Variants in CPAMD8 observed in about 807,000 individuals in gnomAD.
CPAMD8 encodes the protein C3 and PZP-like alpha-2-macroglobulin domain-containing protein 8.
In CPAMD8, 146 loss-of-function variants were observed where a neutral mutation model predicts 224.7. The observed-to-expected ratio is 0.65, with a 90% CI of 0.57 to 0.75. The LOEUF is 0.75. CPAMD8 is among the 30% of genes least tolerant of loss of function. The pLI is 0.00. For missense variants in CPAMD8, 2,301 were observed against 2,537.5 expected (o/e 0.91, Z 2.00); for synonymous variants, 966 against 1,044.6 (o/e 0.92, Z 1.45).
chr19:17,003,544 G>A (rs924959796), intron 8 of CPAMD8, among the ~76,000 whole-genome samples: 3 of 151,590 alleles, frequency 2.0e-5, no homozygotes, highest in African/African-American at 7.3e-5. Context: ...ACTTTGGGAG[G>A]CTGAGGCGGA....
intron 27 of CPAMD8, among the ~76,000 whole-genome samples, chr19:16,919,667 C>T (rs1482946597): frequency 6.6e-6 from 1 of 152,260 alleles, no homozygotes; most frequent in Non-Finnish European, 1.5e-5. Flanking sequence ...TTGCATCTCT[C>T]ACAGGGTCTT....
chr19:16,931,267 G>A lies in CPAMD8; in HGVS notation c.2846-2027C>T, dbSNP rs73016306. 8.6e-3 allele frequency among the ~76,000 whole-genome samples: 1,306 copies of A among 152,254 alleles called. 8 individuals carry two copies. Among genetic ancestry groups the A allele is most frequent in the Non-Finnish European group, 0.011 (749 of 67,998 alleles). Reference sequence around the variant, plus strand: ...GTCGGCCCAGCCCAGCTCTGTCCCCGCAAGTGCCTGAGGGTGCCATCCAAG... The same window carrying A: ...GTCGGCCCAGCCCAGCTCTGTCCCCACAAGTGCCTGAGGGTGCCATCCAAG... On this transcript the variant is annotated intron_variant, in intron 23 of 41. Coordinates refer to ENST00000443236, the MANE Select transcript of CPAMD8 (RefSeq NM_015692.5).
chr19:17,011,480 C>A lies in CPAMD8; in HGVS notation c.470G>T (p.Arg157Met). The A allele has an allele frequency of 6.2e-7, 1 of 1,614,190 alleles. No homozygotes were observed. The highest frequency in any genetic ancestry group is 1.6e-4 in the Middle Eastern group (1 of 6,062). The change falls in exon 5 of 42, where the codon AGG becomes ATG. Residue 157 changes from arginine (R) to methionine (M), a missense_variant. Around this residue, in one of 4 missense-constraint regions of CPAMD8, gnomAD observed 283 missense variants for 340.6 expected, o/e 0.83. Transcript: ENST00000443236. ...TGATCTCACCTTCTCGTTGACAGGC[C>A]TCAGATTTGGAGAGACGGTGAAGAT... is the stretch of plus-strand genomic sequence containing the variant. ...ISIFTVSPNLRPVNEKLEAYI... is the reference protein window; with the variant it reads ...ISIFTVSPNLMPVNEKLEAYI...
chr19:16,974,138 C>T (rs1462091296), intron 17 of CPAMD8, among the ~76,000 whole-genome samples: 2 of 142,300 alleles, frequency 1.4e-5, no homozygotes, highest in Non-Finnish European at 3.1e-5. Flanking sequence ...AGCATTAGCC[C>T]TTTTTTTTTT....
Position 16,938,419 on chromosome 19 carries a change from A to AG in CPAMD8, c.2820dup (p.Tyr941LeufsTer9), listed in dbSNP as rs749512351. ...CCACTGGGACAGAAGAATGCGCTGT[A>AG]GGTGTACGCCCGGGGGACTCCTTCC... On this transcript the variant is annotated frameshift_variant, in exon 23 of 42. Coordinates refer to ENST00000443236, the MANE Select transcript of CPAMD8 (RefSeq NM_015692.5). LOFTEE classifies it high-confidence loss of function. The AG allele has an allele frequency of 4.4e-6, 7 of 1,574,836 alleles. No individual in the cohort carries two copies. The highest frequency in any genetic ancestry group is 6.0e-6 in the Non-Finnish European group (7 of 1,163,260).
At chr19:16,976,189 C>T (rs1218652498) in intron 15 of CPAMD8, 38 bp from the exon 16 acceptor site, 1 of 1,579,206 alleles carries the variant, frequency 6.3e-7, no homozygotes, top group Non-Finnish European at 8.6e-7. Context: ...AAACTTGGTT[C>T]AGTTGGCTGT....
chr19:16,895,900 C>T, intron 41 of CPAMD8: 1 of 553,592 alleles, frequency 1.8e-6, no homozygotes. Context: ...CGCGCGCGCG[C>T]ACGCACACAC....
At chr19:16,999,702 T>G (rs779732133) in intron 10 of CPAMD8, among the ~76,000 whole-genome samples, 1 of 152,212 alleles carries the variant, frequency 6.6e-6, no homozygotes, top group Non-Finnish European at 1.5e-5. Flanking sequence ...ATTTTAGAGA[T>G]GGGATCTCAC....
chr19:16,905,812 G>A (rs1464974650), intron 30 of CPAMD8, among the ~76,000 whole-genome samples: 2 of 152,116 alleles, frequency 1.3e-5, no homozygotes, highest in Non-Finnish European at 2.9e-5. Flanking sequence ...GAGTGGGGAG[G>A]TCTGGGTGAA....
chr19:16,895,618 A>G, intron 41 of CPAMD8: 1 of 333,226 alleles, frequency 3.0e-6, no homozygotes, highest in Non-Finnish European at 6.0e-6. Flanking sequence ...AAATCTGCCC[A>G]TGAGGAAACC....
chr19:16,901,319 G>T (rs750193442), intron 35 of CPAMD8, 22 bp from the exon 36 acceptor site: 5 of 1,526,528 alleles, frequency 3.3e-6, no homozygotes, highest in African/African-American at 1.4e-5. Context: ...AGGGGAGAGA[G>T]AGAGGCCCTA....
chr19:16,951,600 A>G (rs1229749521), intron 20 of CPAMD8, among the ~76,000 whole-genome samples: 1 of 152,108 alleles, frequency 6.6e-6, no homozygotes, highest in Non-Finnish European at 1.5e-5. Context: ...GCTCCATGCT[A>G]TCATATATGA....
chr19:16,990,877 A>G (rs2055924248), intron 12 of CPAMD8, among the ~76,000 whole-genome samples: 1 of 149,918 alleles, frequency 6.7e-6, no homozygotes, highest in African/African-American at 2.4e-5. Context: ...AAAAAAAAAA[A>G]AAAAAAAAAA....
intron 25 of CPAMD8, among the ~76,000 whole-genome samples, chr19:16,927,574 C>T (rs756537150): frequency 4.0e-4 from 61 of 152,254 alleles, no homozygotes; most frequent in Non-Finnish European, 5.4e-4. Flanking sequence ...CTGCTCCGGA[C>T]GCCTGCCCCA....
intron 22 of CPAMD8, among the ~76,000 whole-genome samples, chr19:16,942,291 G>T (rs150611076): frequency 1.3e-5 from 2 of 152,068 alleles, no homozygotes; most frequent in African/African-American, 2.4e-5. Flanking sequence ...GTGAAACCCC[G>T]TCTCTACTAA....
chr19:16,900,305 G>A (rs1035492556), intron 36 of CPAMD8, among the ~76,000 whole-genome samples: 88 of 152,176 alleles, frequency 5.8e-4, no homozygotes, highest in African/African-American at 2.1e-3. Flanking sequence ...ATTTATAATA[G>A]TGTGACAGTG....
chr19:17,006,120 G>A (rs1187471217), intron 7 of CPAMD8, among the ~76,000 whole-genome samples: 1 of 152,044 alleles, frequency 6.6e-6, no homozygotes, highest in Admixed American at 6.6e-5. Context: ...CCGCCACCAT[G>A]TCCAGCTAAT....
chr19:16,952,189 C>T lies in CPAMD8; in HGVS notation c.2288G>A (p.Gly763Asp). Residue 763 changes from glycine (G) to aspartate (D), a missense_variant, in exon 20 of 42, where the codon GGT becomes GAT. Gly to Asp is a moderately conservative substitution (Grantham distance 94). Transcript: ENST00000443236. ...GACCTTCACACTGAGTGTCCCCTCACCAGATGGGTCACTGCGGAGAGACAG... is the reference window on the plus strand; with the variant it reads ...GACCTTCACACTGAGTGTCCCCTCATCAGATGGGTCACTGCGGAGAGACAG... Reference protein sequence around the residue: ...WHCLNISDPSGEGTLSVKVPD... With the variant: ...WHCLNISDPSDEGTLSVKVPD... 6.5e-7 allele frequency: 1 copy of T among 1,529,938 alleles called. No homozygotes were observed. The highest frequency in any genetic ancestry group is 8.9e-7 in the Non-Finnish European group (1 of 1,128,418). The allele number at this position is 1,529,938 out of a possible 1,614,324, so 94.8% of individuals were successfully genotyped here.
At chr19:16,940,736 C>A (rs896551722) in intron 22 of CPAMD8, among the ~76,000 whole-genome samples, 5 of 152,176 alleles carry the variant, frequency 3.3e-5, no homozygotes, top group African/African-American at 9.7e-5. Flanking sequence ...GAGCCGTCCA[C>A]CTGCCAGGAT....
Sources: gnomAD v4.1 joint callset for allele counts (sites outside exome capture counted in the v4.1 genomes callset) on GRCh38, gnomAD v4.1.1 for gene constraint, gnomAD v4.1.1 regional missense constraint, MANE v1.5 for transcripts, NCBI Gene and HGNC (gene_info 2026-07-23, HGNC 2026-07-21) for gene names.